Variants in TMEM154 observed in about 807,000 individuals in gnomAD.
TMEM154 encodes the protein transmembrane protein 154.
A neutral mutation model predicts 24.5 loss-of-function variants in TMEM154; 27 were observed. The observed-to-expected ratio is 1.10, with a 90% CI of 0.81 to 1.52. TMEM154 has a LOEUF of 1.52. Among genes scored for constraint, TMEM154 ranks in the 40% most tolerant of loss-of-function variants. The probability of loss-of-function intolerance (pLI) is 0.00; values close to 1 mark genes in which losing one functional copy is unlikely to be tolerated. For synonymous variants in TMEM154, 67 were observed against 76.8 expected, an observed-to-expected ratio of 0.87 and a Z score of 0.67; for missense variants, 228 against 213.4, an observed-to-expected ratio of 1.07 and a Z score of -0.43.
intron 6 of TMEM154, among the ~76,000 whole-genome samples, chr4:152,637,315 G>A (rs1393115519): frequency 1.3e-5 from 2 of 152,208 alleles, no homozygotes; most frequent in Non-Finnish European, 2.9e-5. Flanking sequence ...GGAGGCTGAG[G>A]TGGATGGATC....
chr4:152,661,331 TC>T (rs1728605315), intron 1 of TMEM154, among the ~76,000 whole-genome samples: 9 of 118,450 alleles, frequency 7.6e-5, no homozygotes, highest in African/African-American at 1.3e-4. Flanking sequence ...TCTCTCTCTC[TC>T]TCTCTCTCTC....
Position 152,650,240 on chromosome 4 carries a change from C to A in TMEM154, c.364+2298G>T, listed in dbSNP as rs1579521064. On this transcript the variant is annotated intron_variant, in intron 3 of 6. Transcript: ENST00000304385. Reference sequence around the variant, plus strand: ...ATAGCATTTTATCTGCAATAGAATTCTTTCACAATTGGAGACGATTCTCAC... The same window carrying A: ...ATAGCATTTTATCTGCAATAGAATTATTTCACAATTGGAGACGATTCTCAC... Among the ~76,000 whole-genome samples, 3 of 152,194 alleles carry A rather than the reference C, an allele frequency of 2.0e-5. No individual in the cohort carries two copies. In the East Asian group the frequency reaches 5.8e-4, roughly 29 times the overall value.
chr4:152,663,325 A>G (rs138975627), intron 1 of TMEM154, among the ~76,000 whole-genome samples: 1 of 152,318 alleles, frequency 6.6e-6, no homozygotes, highest in African/African-American at 2.4e-5. Flanking sequence ...TCAGGGTAAA[A>G]GAGGTGGGGC....
Position 152,639,152 on chromosome 4 carries a change from T to C in TMEM154, c.536+1776A>G, listed in dbSNP as rs191072711. On this transcript the variant is annotated intron_variant, in intron 6 of 6. Transcript: ENST00000304385. ...TTTTAGTAGAGATGGAGTTTTACCA[T>C]GTGGGCCAGGCTGGTCTCGAACTCC... 1.3e-3 allele frequency among the ~76,000 whole-genome samples: 199 copies of C among 152,254 alleles called. 1 individual carries two copies. Among genetic ancestry groups the C allele is most frequent in the Non-Finnish European group, 6.2e-4 (42 of 68,022 alleles).
rs556471302 is a variant in TMEM154 at position 152,637,522 on chromosome 4, G to C, written c.536+3406C>G. Among the ~76,000 whole-genome samples the C allele has an allele frequency of 1.9e-4, 29 of 152,004 alleles. 1 individual carries two copies. Among genetic ancestry groups the C allele is most frequent in the Middle Eastern group, 6.8e-3 (2 of 294 alleles). ...ATTGCACCATTGCACTCCAGCATGG[G>C]CAACAAGAATGAAACTCAGTCTCGA... On this transcript the variant is annotated intron_variant, in intron 6 of 6. Transcript: ENST00000304385.
intron 6 of TMEM154, among the ~76,000 whole-genome samples, chr4:152,640,685 G>T (rs775783184): frequency 1.3e-5 from 2 of 152,124 alleles, no homozygotes; most frequent in African/African-American, 2.4e-5. Flanking sequence ...CTCTTTAGAA[G>T]GGCAAGAAAA....
chr4:152,670,523 G>A (rs1184091298), intron 1 of TMEM154, among the ~76,000 whole-genome samples: 1 of 152,096 alleles, frequency 6.6e-6, no homozygotes, highest in East Asian at 1.9e-4. Flanking sequence ...TTGAACCCGG[G>A]AGCCGGAGGT....
intron 6 of TMEM154, among the ~76,000 whole-genome samples, chr4:152,637,036 T>C (rs1041728517): frequency 1.1e-4 from 16 of 152,070 alleles, no homozygotes; most frequent in Admixed American, 2.6e-4. Context: ...GGTTGATTGA[T>C]TGTGATAAAT....
intron 1 of TMEM154, 113 bp downstream of exon 1, chr4:152,679,757 G>A: frequency 1.4e-6 from 2 of 1,455,000 alleles, no homozygotes; most frequent in Admixed American, 2.0e-5. Context: ...TTCTTTCACA[G>A]AAAGGATTAG....
chr4:152,658,358 A>G (rs1322302482), intron 1 of TMEM154, among the ~76,000 whole-genome samples: 1 of 152,220 alleles, frequency 6.6e-6, no homozygotes, highest in Non-Finnish European at 1.5e-5. Flanking sequence ...TAAACAGACA[A>G]TCTAGTGATG....
intron 1 of TMEM154, among the ~76,000 whole-genome samples, chr4:152,657,118 A>C (rs868289009): frequency 6.7e-6 from 1 of 149,416 alleles, no homozygotes; most frequent in African/African-American, 2.5e-5. Flanking sequence ...GAAATAACCT[A>C]GTCAGATAAA....
In TMEM154 at chr4:152,620,963, A is replaced by ATGTTTAG. The variant is rs1312409057; in HGVS notation, c.*7576_*7582dup. The stretch of plus-strand genomic sequence containing the variant: ...TACTAGGATTAAAATGAGATGATGT[A>ATGTTTAG]TGTTTAGTGTTTAGCACCTTCTGGC... On this transcript the variant is annotated 3_prime_UTR_variant, in exon 7 of 7. Transcript: ENST00000304385. The ATGTTTAG allele has an allele frequency of 1.3e-5, 2 of 152,212 alleles. No homozygotes were observed. Among genetic ancestry groups the ATGTTTAG allele is most frequent in the African/African-American group, 4.8e-5 (2 of 41,452 alleles). The allele number at this position is 152,212 out of a possible 1,614,324, so 9.4% of individuals were successfully genotyped here.
At chr4:152,632,591 T>C (rs1249458408) in intron 6 of TMEM154, among the ~76,000 whole-genome samples, 1 of 152,246 alleles carries the variant, frequency 6.6e-6, no homozygotes, top group Non-Finnish European at 1.5e-5. Flanking sequence ...GAACACAGTA[T>C]ACCTCTCCAT....
chr4:152,646,794 G>A, intron 3 of TMEM154: 1 of 602,228 alleles, frequency 1.7e-6, no homozygotes, highest in Non-Finnish European at 2.9e-6. Context: ...AGCTACAGGA[G>A]CCTCTGGCTT....
At chr4:152,648,793 G>T (rs1272898444) in intron 3 of TMEM154, among the ~76,000 whole-genome samples, 1 of 152,240 alleles carries the variant, frequency 6.6e-6, no homozygotes, top group Non-Finnish European at 1.5e-5. Flanking sequence ...GCCTCACCAT[G>T]TGAGTGGATA....
chr4:152,643,912 C>G (rs557045566), intron 4 of TMEM154, among the ~76,000 whole-genome samples: 1 of 151,824 alleles, frequency 6.6e-6, no homozygotes, highest in South Asian at 2.1e-4. Context: ...CTCTCCCACC[C>G]CTCCTTCCCT....
rs1752242029 is a variant in TMEM154 at position 152,640,850 on chromosome 4, A to C, written c.536+78T>G. The C allele has an allele frequency of 4.6e-6, 6 of 1,315,348 alleles. No individual in the cohort carries two copies. The South Asian group carries it at 7.3e-5, about 16-fold the overall frequency. 81.5% of individuals were successfully genotyped at this position (1,315,348 alleles called of 1,614,324 possible). On this transcript the variant is annotated intron_variant, in intron 6 of 6. Transcript: ENST00000304385. ...AATTATAGGCACGGAGGAGGTAAGC[A>C]AAAAGTGTTCCACCCTGGTTCCCAA...
At chr4:152,646,695 C>G (rs12646680) in intron 3 of TMEM154, 311 of 412,600 alleles carry the variant, frequency 7.5e-4, no homozygotes, top group African/African-American at 4.7e-3. Context: ...TACTTCCCCC[C>G]CACTTAGCCT....
rs1751898782 is a variant in TMEM154, at chr4:152,625,226, A to G, written c.*3320T>C. 6.6e-6 allele frequency: 1 copy of G among 152,308 alleles called. No individual in the cohort carries two copies. Among genetic ancestry groups the G allele is most frequent in the Non-Finnish European group, 1.5e-5 (1 of 68,072 alleles). 9.4% of individuals were successfully genotyped at this position (152,308 alleles called of 1,614,324 possible). On this transcript the variant is annotated 3_prime_UTR_variant, in exon 7 of 7. Coordinates refer to ENST00000304385, the MANE Select transcript of TMEM154 (RefSeq NM_152680.3). ...CAGAAGCATCTGCCTGGCTGTCAAT[A>G]TCAAGGTGGATCCAGGCTGTTGGAA...
Sources: allele counts gnomAD v4.1 joint callset (sites outside exome capture counted in the v4.1 genomes callset), GRCh38; gene constraint gnomAD v4.1.1; transcripts MANE v1.5; gene names NCBI Gene and HGNC (gene_info 2026-07-23, HGNC 2026-07-21).